Variants in GRIK4 observed in about 807,000 individuals in gnomAD.
GRIK4 encodes the protein glutamate ionotropic receptor kainate type subunit 4.
Under a neutral mutation model 104.9 loss-of-function variants are expected in GRIK4, and 40 were observed. The observed-to-expected ratio is 0.38, with a 90% confidence interval of 0.30 to 0.50. The LOEUF (loss-of-function observed/expected upper bound fraction) is 0.50, where lower values mean the gene tolerates loss of function less well. GRIK4 is among the 20% of genes least tolerant of loss of function. GRIK4 has a pLI of 0.93. For missense variants in GRIK4, 1,047 were observed against 1,308.1 expected (o/e 0.80, Z 3.08); for synonymous variants, 485 against 524.9 (o/e 0.92, Z 1.04).
chr11:120,703,950 G>A (rs1387660195), intron 3 of GRIK4, among the ~76,000 whole-genome samples: 1 of 152,146 alleles, frequency 6.6e-6, no homozygotes, highest in East Asian at 1.9e-4. Context: ...CTCAACAGAT[G>A]TCTGTTTAAT....
intron 2 of GRIK4, among the ~76,000 whole-genome samples, chr11:120,655,137 C>A (rs1403628706): frequency 1.3e-5 from 2 of 151,924 alleles, no homozygotes; most frequent in Non-Finnish European, 2.9e-5. Context: ...TTGGTGCTCT[C>A]CAGACAGCAT....
At chr11:120,836,876 A>G in intron 8 of GRIK4, 32 bp downstream of exon 8, 1 of 1,365,392 alleles carries the variant, frequency 7.3e-7, no homozygotes, top group Non-Finnish European at 1.0e-6. Flanking sequence ...CCTCCTTGGA[A>G]GAGAGTGTTG....
At chr11:120,634,849 A>G (rs1949378258) in intron 1 of GRIK4, among the ~76,000 whole-genome samples, 3 of 152,138 alleles carry the variant, frequency 2.0e-5, no homozygotes, top group East Asian at 1.9e-4. Flanking sequence ...GGAGTCGCCA[A>G]GCATGTGACC....
chr11:120,790,664 G>A (rs1952375894), intron 3 of GRIK4, among the ~76,000 whole-genome samples: 4 of 152,212 alleles, frequency 2.6e-5, no homozygotes, highest in Admixed American at 2.6e-4. Flanking sequence ...GGGCCAGGCA[G>A]GTGCATCTGC....
intron 3 of GRIK4, among the ~76,000 whole-genome samples, chr11:120,730,561 G>C (rs1449864868): frequency 6.9e-6 from 1 of 145,554 alleles, no homozygotes; most frequent in Non-Finnish European, 1.5e-5. Context: ...GTCTTTTGTG[G>C]TTCCATATAC....
intron 2 of GRIK4, among the ~76,000 whole-genome samples, chr11:120,659,923 GGTTTTGCCAT>G (rs1949782831): frequency 6.6e-6 from 1 of 152,172 alleles, no homozygotes; most frequent in Non-Finnish European, 1.5e-5. Flanking sequence ...GTAGAGACGG[GGTTTTGCCAT>G]GTTGGCCAGG....
At chr11:120,951,834 G>T (rs571385075) in intron 14 of GRIK4, among the ~76,000 whole-genome samples, 1 of 152,284 alleles carries the variant, frequency 6.6e-6, no homozygotes, top group South Asian at 2.1e-4. Context: ...CAGAAATCTA[G>T]ATTTGTATGT....
intron 2 of GRIK4, among the ~76,000 whole-genome samples, chr11:120,659,380 C>T (rs1253662866): frequency 2.0e-5 from 3 of 152,166 alleles, no homozygotes; most frequent in Non-Finnish European, 2.9e-5. Context: ...AGGAATGGAC[C>T]GCTCCCATCT....
chr11:120,919,283 T>C (rs1943176813), intron 13 of GRIK4, among the ~76,000 whole-genome samples: 1 of 152,192 alleles, frequency 6.6e-6, no homozygotes, highest in Non-Finnish European at 1.5e-5. Context: ...AAGGTGATGC[T>C]GAAGAGGCAA....
At chr11:120,804,468 T>G (rs1237509916) in intron 4 of GRIK4, among the ~76,000 whole-genome samples, 1 of 152,198 alleles carries the variant, frequency 6.6e-6, no homozygotes, top group Non-Finnish European at 1.5e-5. Flanking sequence ...CACAGCTTCC[T>G]TCTTGCTCCT....
chr11:120,763,999 T>A (rs1378050929), intron 3 of GRIK4, among the ~76,000 whole-genome samples: 1 of 152,186 alleles, frequency 6.6e-6, no homozygotes, highest in Non-Finnish European at 1.5e-5. Context: ...TGAATATCCT[T>A]GTTAATTTTC....
At chr11:120,927,433 GGT>G (rs1943372839) in intron 13 of GRIK4, among the ~76,000 whole-genome samples, 1 of 152,022 alleles carries the variant, frequency 6.6e-6, no homozygotes, top group Non-Finnish European at 1.5e-5. Context: ...TGGGTGTGGT[GGT>G]GCGTGCCTGT....
chr11:120,969,855 G>T (rs1944445899), intron 19 of GRIK4, among the ~76,000 whole-genome samples: 1 of 152,048 alleles, frequency 6.6e-6, no homozygotes, highest in Admixed American at 6.5e-5. Context: ...AAATGTCTAG[G>T]TATCTTTCTT....
intron 13 of GRIK4, among the ~76,000 whole-genome samples, chr11:120,916,217 C>T (rs2134548576): frequency 6.6e-6 from 1 of 152,296 alleles, no homozygotes; most frequent in Middle Eastern, 3.4e-3. Context: ...AACAGAGCCC[C>T]AAGAAGCTAA....
intron 1 of GRIK4, among the ~76,000 whole-genome samples, chr11:120,642,724 C>T (rs555682131): frequency 1.3e-5 from 2 of 152,310 alleles, no homozygotes; most frequent in East Asian, 3.9e-4. Flanking sequence ...CGGCCAGCAG[C>T]GGCCTTGGGT....
At chr11:120,636,964 G>A (rs1216869667) in intron 1 of GRIK4, among the ~76,000 whole-genome samples, 1 of 152,230 alleles carries the variant, frequency 6.6e-6, no homozygotes, top group African/African-American at 2.4e-5. Context: ...GTTTCCCAGG[G>A]TGCCCCCCAG....
chr11:120,914,164 C>A (rs895111681), intron 13 of GRIK4, among the ~76,000 whole-genome samples: 3 of 139,582 alleles, frequency 2.1e-5, no homozygotes, highest in Non-Finnish European at 4.7e-5. Flanking sequence ...TGACAAGCAC[C>A]GCTTGGATAT....
chr11:120,962,323 G>A lies in GRIK4; in HGVS notation c.2041-133G>A, dbSNP rs1213548108. On this transcript the variant is annotated intron_variant, in intron 17 of 20. Transcript: ENST00000527524. ...TGTGTTGAGAGACAGAAAGGGAAAA[G>A]GTTCTTGACTGTGATCAGCGGGTGG... 4.8e-6 allele frequency: 3 copies of A among 622,300 alleles called. No individual in the cohort carries two copies. In the African/African-American group the frequency reaches 5.5e-5, roughly 11 times the overall value. 38.5% of individuals were successfully genotyped at this position (622,300 alleles called of 1,614,324 possible). A position where few individuals can be genotyped will look rare whatever the true frequency, so the allele number is the denominator to read the frequency against.
Position 120,952,761 on chromosome 11 carries a change from C to T in GRIK4, c.1591-94C>T, listed in dbSNP as rs780988290. ...ACAGAAATGGGAACTGGGGCCAGAC[C>T]CACACTCACTACCTCCTCTACCCCG... On this transcript the variant is annotated intron_variant, in intron 14 of 20. Coordinates refer to ENST00000527524, the MANE Select transcript of GRIK4 (RefSeq NM_014619.5). This position sits in a 1 kb window ranked among gnomAD's most constrained non-coding sequence, Gnocchi z 5.2. 17 of 829,026 alleles carry T rather than the reference C, an allele frequency of 2.1e-5. No individual in the cohort carries two copies. The highest frequency in any genetic ancestry group is 3.2e-5 in the Non-Finnish European group (15 of 470,214). 51.4% of individuals were successfully genotyped at this position (829,026 alleles called of 1,614,324 possible).
Sources: allele counts gnomAD v4.1 joint callset (sites outside exome capture counted in the v4.1 genomes callset), GRCh38; gene constraint gnomAD v4.1.1; non-coding constraint Gnocchi (gnomAD v3.1); transcripts MANE v1.5; gene names NCBI Gene and HGNC (gene_info 2026-07-23, HGNC 2026-07-21).